The following ATP8B1 variants were observed in gnomAD, a reference collection of about 807,000 sequenced individuals.
ATP8B1 encodes phospholipid-transporting ATPase IC.
ATP8B1 carries 80 observed loss-of-function variants against 149.9 expected under a neutral mutation model. The ratio of observed to expected loss-of-function variants is 0.53; its 90% CI spans 0.45 to 0.64. The LOEUF is 0.64. ATP8B1 is among the 30% of genes least tolerant of loss of function. The pLI, the probability that ATP8B1 is intolerant of heterozygous loss-of-function variation, is 0.00. For missense variants in ATP8B1, 1,247 were observed against 1,552.6 expected, an observed-to-expected ratio of 0.80 and a Z score of 3.31; for synonymous variants, 536 against 562.8, an observed-to-expected ratio of 0.95 and a Z score of 0.67.
chr18:57,718,123 AAAAG>A, intron 2 of ATP8B1, among the ~76,000 whole-genome samples: 1 of 150,602 alleles, frequency 6.6e-6, no homozygotes. Flanking sequence ...AAAAAAAAAA[AAAAG>A]CAAAAAAAGA....
chr18:57,664,116 C>T lies in ATP8B1; in HGVS notation c.2286-1501G>A, dbSNP rs144682203. On this transcript the variant is annotated intron_variant, in intron 20 of 27. Coordinates refer to ENST00000648908, the MANE Select transcript of ATP8B1 (RefSeq NM_001374385.1). ...TGAGCGACATGTAATTTTACTATGT[C>T]TCGATTCATCCACCATGGGGGTACC... Among the ~76,000 whole-genome samples, 975 of 145,674 alleles carry T rather than the reference C, an allele frequency of 6.7e-3. 8 individuals are homozygous for T. Among genetic ancestry groups the T allele is most frequent in the African/African-American group, 0.022 (866 of 39,412 alleles).
intron 22 of ATP8B1, among the ~76,000 whole-genome samples, chr18:57,657,501 A>C (rs1457290676): frequency 1.3e-5 from 2 of 152,204 alleles, no homozygotes; most frequent in Non-Finnish European, 2.9e-5. Context: ...AGCTTCAAAA[A>C]TCCTGCCCTA....
chr18:57,667,438 G>C (rs1225778820), intron 19 of ATP8B1: 1 of 444,078 alleles, frequency 2.3e-6, no homozygotes, highest in Non-Finnish European at 4.2e-6. Context: ...ATGTTTGCCA[G>C]GCTCATTCTT....
chr18:57,697,784 T>G lies in ATP8B1; in HGVS notation c.627+11A>C, dbSNP rs1037572656. ...AACAAGGAACAAGAGAAGCAGAATTTGTTCACTTACTGGAACAAAATCATT... is the reference window on the plus strand; with the variant it reads ...AACAAGGAACAAGAGAAGCAGAATTGGTTCACTTACTGGAACAAAATCATT... On this transcript the variant is annotated intron_variant, in intron 7 of 27. Coordinates refer to ENST00000648908, the MANE Select transcript of ATP8B1 (RefSeq NM_001374385.1). The G allele has an allele frequency of 2.5e-6, 4 of 1,613,710 alleles. No homozygotes were observed. In the Admixed American group the frequency reaches 6.7e-5, roughly 27 times the overall value.
At chr18:57,741,302 T>TA (rs1481715486) in intron 1 of ATP8B1, among the ~76,000 whole-genome samples, 6 of 152,294 alleles carry the variant, frequency 3.9e-5, no homozygotes, top group Non-Finnish European at 7.3e-5. Flanking sequence ...GATTAGGTTA[T>TA]AAAAAACCAT....
chr18:57,757,087 C>T (rs4395155), intron 1 of ATP8B1, among the ~76,000 whole-genome samples: 29,262 of 152,174 alleles, frequency 0.19, 3,696 homozygotes, highest in Non-Finnish European at 0.28. Flanking sequence ...GAGCATGCCG[C>T]TGTAAGCATA....
At position 57,778,222 on chromosome 18, in the gene ATP8B1, C is replaced by CTT. The variant is rs200469930; in HGVS notation, c.-26+24774_-26+24775dup. Among the ~76,000 whole-genome samples, 349 of 94,910 alleles carry CTT rather than the reference C, an allele frequency of 3.7e-3. 6 individuals carry two copies. The highest frequency in any genetic ancestry group is 0.014 in the African/African-American group (310 of 22,766). The allele number at this position is 94,910 out of a possible 152,430, so 62.3% of individuals were successfully genotyped here. A position where few individuals can be genotyped will look rare whatever the true frequency, so the allele number is the denominator to read the frequency against. On this transcript the variant is annotated intron_variant, in intron 1 of 27. Coordinates refer to ENST00000648908, the MANE Select transcript of ATP8B1 (RefSeq NM_001374385.1). ...GTATTTATAATCTCAGTTTCTTTTT[C>CTT]TTTTTCTTTTTTTTTTTTTTTGAGA...
At chr18:57,801,476 C>T (rs560308569) in intron 1 of ATP8B1, among the ~76,000 whole-genome samples, 2 of 152,282 alleles carry the variant, frequency 1.3e-5, no homozygotes, top group South Asian at 4.1e-4. Flanking sequence ...TTAATAAAGC[C>T]TTCAACAACA....
At chr18:57,797,841 G>A (rs1006499569) in intron 1 of ATP8B1, among the ~76,000 whole-genome samples, 34 of 151,414 alleles carry the variant, frequency 2.2e-4, no homozygotes, top group African/African-American at 8.0e-4. Context: ...TGAGTAGCTG[G>A]GACTACGGGC....
rs1250184376 is a variant in ATP8B1, at chr18:57,756,291, G to GTATATATATACA, written c.-25-24460_-25-24459insTGTATATATATA. Among the ~76,000 whole-genome samples, 4 of 27,152 alleles carry GTATATATATACA rather than the reference G, an allele frequency of 1.5e-4. 1 individual carries two copies. Among genetic ancestry groups the GTATATATATACA allele is most frequent in the Non-Finnish European group, 2.8e-4 (3 of 10,570 alleles). The allele number at this position is 27,152 out of a possible 152,430, so 17.8% of individuals were successfully genotyped here. On this transcript the variant is annotated intron_variant, in intron 1 of 27. Transcript: ENST00000648908. Reference sequence around the variant, plus strand: ...AAATATTTACACAACATATATATGTGTGTGTGTATGTATATATATATATAT... The same window carrying GTATATATATACA: ...AAATATTTACACAACATATATATGTGTATATATATACATGTGTGTATGTATATATATATATAT...
chr18:57,726,753 T>C (rs1479304909), intron 2 of ATP8B1, among the ~76,000 whole-genome samples: 1 of 152,180 alleles, frequency 6.6e-6, no homozygotes, highest in Non-Finnish European at 1.5e-5. Context: ...AAGCAAATTC[T>C]CTAAAATGAG....
rs67204410 is a variant in ATP8B1, at chr18:57,732,215, G to A, written c.-25-383C>T. On this transcript the variant is annotated intron_variant, in intron 1 of 27. Coordinates refer to ENST00000648908, the MANE Select transcript of ATP8B1 (RefSeq NM_001374385.1). Reference sequence around the variant, plus strand: ...TATATATGTGTATATATGTATATATGTGTATATATGTATATATGTGTATAT... The same window carrying A: ...TATATATGTGTATATATGTATATATATGTATATATGTATATATGTGTATAT... Among the ~76,000 whole-genome samples, 20 of 40,608 alleles carry A rather than the reference G, an allele frequency of 4.9e-4. 1 individual carries two copies. The highest frequency in any genetic ancestry group is 1.5e-3 in the East Asian group (2 of 1,340). The allele number at this position is 40,608 out of a possible 152,430, so 26.6% of individuals were successfully genotyped here.
rs1212420784 is a variant in ATP8B1, at chr18:57,684,343, T to G, written c.1474-151A>C. The G allele has an allele frequency of 4.8e-6, 4 of 836,360 alleles. No homozygotes were observed. The African/African-American group carries it at 6.9e-5, about 14-fold the overall frequency. The allele number at this position is 836,360 out of a possible 1,614,324, so 51.8% of individuals were successfully genotyped here. A position where few individuals can be genotyped will look rare whatever the true frequency, so the allele number is the denominator to read the frequency against. On this transcript the variant is annotated intron_variant, in intron 14 of 27. Transcript: ENST00000648908. ...TCTTAAATGTCAAGAGGCTCACAAC[T>G]GTCTTAAATAAAAAGCTCCCCCCCT... is the stretch of plus-strand genomic sequence containing the variant.
intron 1 of ATP8B1, among the ~76,000 whole-genome samples, chr18:57,793,967 G>A (rs1274596219): frequency 6.6e-6 from 1 of 152,168 alleles, no homozygotes; most frequent in Admixed American, 6.6e-5. Flanking sequence ...GCCTAAGACT[G>A]ATAACAAAAG....
intron 1 of ATP8B1, among the ~76,000 whole-genome samples, chr18:57,750,203 A>G (rs771952321): frequency 9.2e-5 from 14 of 152,230 alleles, no homozygotes; most frequent in Admixed American, 5.2e-4. Context: ...AGACTGTGCC[A>G]CTGCACTTTA....
intron 1 of ATP8B1, among the ~76,000 whole-genome samples, chr18:57,779,501 G>T (rs1266177502): frequency 6.6e-6 from 1 of 152,196 alleles, no homozygotes; most frequent in East Asian, 1.9e-4. Flanking sequence ...ATCCAAAGTT[G>T]GTATCAGGTA....
At chr18:57,692,314 TTTACTTTGAACA>T (rs1287161842) in intron 11 of ATP8B1, among the ~76,000 whole-genome samples, 1 of 151,994 alleles carries the variant, frequency 6.6e-6, no homozygotes, top group African/African-American at 2.4e-5. Flanking sequence ...CTCAATTACG[TTTACTTTGAACA>T]ATAACATACT....
In ATP8B1 at chr18:57,652,663, A is replaced by G. The variant is rs1405639676; in HGVS notation, c.3082T>C (p.Phe1028Leu). 8 of 1,614,142 alleles carry G rather than the reference A, an allele frequency of 5.0e-6. No homozygotes were observed. The highest frequency in any genetic ancestry group is 1.3e-5 in the African/African-American group (1 of 75,048). The change falls in exon 25 of 28, where the codon TTC becomes CTC. Residue 1028 changes from phenylalanine to leucine, a missense_variant. By Grantham distance (22) the Phe-to-Leu change is conservative (BLOSUM62 0). Coordinates refer to ENST00000648908, the MANE Select transcript of ATP8B1 (RefSeq NM_001374385.1). ...CTTACAAAGAATCTCTTATAGTTGA[A>G]TAGTAAGTCTCTTTGTCCCACTATG... ...LYIVGQRDLL[F>L]NYKRFFVSLL...
intron 1 of ATP8B1, among the ~76,000 whole-genome samples, chr18:57,780,282 C>T (rs182055786): frequency 3.5e-3 from 531 of 152,216 alleles, no homozygotes; most frequent in Middle Eastern, 0.01. Flanking sequence ...GTTTAAAGTC[C>T]TTTTAAAATA....
Sources: gnomAD v4.1 joint callset for allele counts (sites outside exome capture counted in the v4.1 genomes callset) on GRCh38, gnomAD v4.1.1 for gene constraint, MANE v1.5 for transcripts, NCBI Gene and HGNC (gene_info 2026-07-23, HGNC 2026-07-21) for gene names.